The following RBM5 variants were observed in gnomAD, a reference collection of about 807,000 sequenced individuals.
The protein encoded by RBM5 is RNA-binding protein 5.
RBM5 carries 15 observed loss-of-function variants against 124.6 expected under a neutral mutation model. The ratio of observed to expected loss-of-function variants is 0.12; its 90% CI spans 0.08 to 0.19. The LOEUF (loss-of-function observed/expected upper bound fraction) is 0.19. Among genes scored for constraint, RBM5 ranks in the 10% least tolerant of loss-of-function variants. The pLI is 1.00. For missense variants in RBM5, 580 were observed against 1,026.5 expected, an observed-to-expected ratio of 0.57 and a Z score of 5.94; for synonymous variants, 337 against 361.2, an observed-to-expected ratio of 0.93 and a Z score of 0.76.
Position 50,093,848 on chromosome 3 carries a change from C to T in RBM5, c.312C>T (p.Gly104=). ...AGAGCAAGACCATCATGCTGCGCGGCCTTCCCATCACCATCACAGAGAGCG... is the reference window on the plus strand; with the variant it reads ...AGAGCAAGACCATCATGCTGCGCGGTCTTCCCATCACCATCACAGAGAGCG... ...ERESKTIMLR[G]LPITITESDI... The change falls in exon 4 of 25, where the codon GGC becomes GGT. Residue 104 remains glycine, a synonymous_variant. Transcript: ENST00000347869. 5 of 1,612,892 alleles carry T rather than the reference C, an allele frequency of 3.1e-6. No individual in the cohort carries two copies. The highest frequency in any genetic ancestry group is 4.2e-6 in the Non-Finnish European group (5 of 1,179,004).
At position 50,117,085 on chromosome 3, in the gene RBM5, A is replaced by G. The variant is rs757295979; in HGVS notation, c.2106A>G (p.Arg702=). 1 of 1,614,080 alleles carries G rather than the reference A, an allele frequency of 6.2e-7. No homozygotes were observed. Residue 702 remains arginine (R), a synonymous_variant, in exon 23 of 25, where the codon CGA becomes CGG. Coordinates refer to ENST00000347869, the MANE Select transcript of RBM5 (RefSeq NM_005778.4). This position sits in a 1 kb window ranked among gnomAD's most constrained non-coding sequence, Gnocchi z 4.2. ...TTTCTCCCATGTAGATGAAATACCGAGACCGAGCTGCAGAAAGACGGGAGA... is the reference window on the plus strand; with the variant it reads ...TTTCTCCCATGTAGATGAAATACCGGGACCGAGCTGCAGAAAGACGGGAGA... ...LELREREMKY[R]DRAAERREKY...
intron 4 of RBM5, among the ~76,000 whole-genome samples, chr3:50,095,796 CTG>C (rs1274012345): frequency 6.6e-6 from 1 of 152,032 alleles, no homozygotes; most frequent in African/African-American, 2.4e-5. Flanking sequence ...CTAGTCACCT[CTG>C]TGTCCCCAAC....
Position 50,113,541 on chromosome 3 carries a change from G to C in RBM5, c.1614G>C (p.Gln538His). 6.2e-7 allele frequency: 1 copy of C among 1,613,284 alleles called. No homozygotes were observed. The highest frequency in any genetic ancestry group is 8.5e-7 in the Non-Finnish European group (1 of 1,179,658). ...AGAAACCCAAGAGCAAAACAGCCCA[G>C]CAGGTTAGAACATGACCCATATTTC... Reference protein sequence around the residue: ...KKEKPKSKTAQQIAKDMERWA... With the variant: ...KKEKPKSKTAHQIAKDMERWA... Residue 538 changes from glutamine (Q) to histidine (H), a missense_variant, in exon 18 of 25, where the codon CAG (glutamine) becomes CAC (histidine). Transcript: ENST00000347869.
chr3:50,092,721 A>G (rs772229367), intron 3 of RBM5: 160 of 453,888 alleles, frequency 3.5e-4, no homozygotes, highest in Non-Finnish European at 1.2e-4. Context: ...GGTTATGATA[A>G]CATATTAGTT....
chr3:50,114,359 A>G, intron 20 of RBM5, 108 bp downstream of exon 20: 1 of 1,092,034 alleles, frequency 9.2e-7, no homozygotes, highest in Non-Finnish European at 1.3e-6. Context: ...ACTGAATGTG[A>G]TCACTGTTGA....
intron 11 of RBM5, 65 bp from the exon 12 acceptor site, chr3:50,107,417 G>A: frequency 8.7e-6 from 11 of 1,271,506 alleles, no homozygotes; most frequent in South Asian, 1.2e-5. Flanking sequence ...TCAGTTGGTG[G>A]TATAGGGGCA....
intron 3 of RBM5, 147 bp from the exon 4 acceptor site, chr3:50,093,573 C>CAAA: frequency 4.6e-5 from 31 of 679,616 alleles, no homozygotes; most frequent in Non-Finnish European, 5.7e-5. Flanking sequence ...ACCCCTGTCT[C>CAAA]AAAAAAAAAA....
At position 50,117,528 on chromosome 3, in the gene RBM5, C is replaced by CTG; in HGVS notation, c.2322+149_2322+150insTG. The CTG allele has an allele frequency of 2.6e-6, 3 of 1,153,870 alleles. No individual in the cohort carries two copies. The highest frequency in any genetic ancestry group is 1.5e-5 in the African/African-American group (1 of 64,722). 71.5% of individuals were successfully genotyped at this position (1,153,870 alleles called of 1,614,324 possible). Reference sequence around the variant, plus strand: ...ACAGGCATGAGCTCACACCTGTAATCCCAGCACTTTGGGAGGCCGAGGAGG... The same window carrying CTG: ...ACAGGCATGAGCTCACACCTGTAATCTGCCAGCACTTTGGGAGGCCGAGGAGG... On this transcript the variant is annotated intron_variant, in intron 24 of 24. Transcript: ENST00000347869. The surrounding 1 kb of genome is among the most constrained non-coding windows in gnomAD (Gnocchi z 4.2).
chr3:50,095,820 G>A (rs2090802208), intron 4 of RBM5, among the ~76,000 whole-genome samples: 1 of 152,044 alleles, frequency 6.6e-6, no homozygotes, highest in South Asian at 2.1e-4. Flanking sequence ...CTTGAACACA[G>A]TATGTTACTC....
rs764242527 is a variant in RBM5, at chr3:50,093,748, G to C, written c.212G>C (p.Arg71Pro). Residue 71 changes from arginine to proline, a missense_variant, in exon 4 of 25, where the codon CGA becomes CCA. Coordinates refer to ENST00000347869, the MANE Select transcript of RBM5 (RefSeq NM_005778.4). ...GAGCGTGAAAGAAGGAACAGTGACC[G>C]ATCCGAAGATGGCTACCATTCAGAT... ...ERERERRNSD[R>P]SEDGYHSDGD... 1.9e-6 allele frequency: 3 copies of C among 1,613,710 alleles called. No individual in the cohort carries two copies. Among genetic ancestry groups the C allele is most frequent in the Non-Finnish European group, 2.5e-6 (3 of 1,179,698 alleles).
chr3:50,090,065 G>A (rs954101409), intron 1 of RBM5: 1 of 208,334 alleles, frequency 4.8e-6, no homozygotes, highest in African/African-American at 2.3e-5. Context: ...GCTGATTGTA[G>A]CTCTGCCCTT....
chr3:50,108,420 GGGGCATGGCC>G, intron 14 of RBM5, 116 bp downstream of exon 14: 1 of 1,091,134 alleles, frequency 9.2e-7, no homozygotes, highest in Non-Finnish European at 1.4e-6. Context: ...AAGATTGTAG[GGGGCATGGCC>G]GGGCACGGTG....
At chr3:50,113,840 T>G in intron 18 of RBM5, 110 bp from the exon 19 acceptor site, 2 of 1,255,426 alleles carry the variant, frequency 1.6e-6, no homozygotes, top group Non-Finnish European at 2.2e-6. Flanking sequence ...GAAGTAAGAG[T>G]AAAAGGGGTT....
chr3:50,109,456 C>T, intron 14 of RBM5, 147 bp from the exon 15 acceptor site: 2 of 657,172 alleles, frequency 3.0e-6, no homozygotes, highest in South Asian at 3.8e-5. Context: ...GAAAATGTCA[C>T]AGATTCCAGG....
Position 50,100,655 on chromosome 3 carries a change from T to C in RBM5, c.483+50T>C, listed in dbSNP as rs1225898624. 1 of 1,473,020 alleles carries C rather than the reference T, an allele frequency of 6.8e-7. No individual in the cohort carries two copies. Among genetic ancestry groups the C allele is most frequent in the Non-Finnish European group, 9.4e-7 (1 of 1,058,992 alleles). 91.2% of individuals were successfully genotyped at this position (1,473,020 alleles called of 1,614,324 possible). ...TATTCATGAAAATGGAACAAGTCTGTACAATTTTAAAAAAAGGTTGAAGGA... is the reference window on the plus strand; with the variant it reads ...TATTCATGAAAATGGAACAAGTCTGCACAATTTTAAAAAAAGGTTGAAGGA... On this transcript the variant is annotated intron_variant, in intron 6 of 24. Coordinates refer to ENST00000347869, the MANE Select transcript of RBM5 (RefSeq NM_005778.4). The surrounding 1 kb of genome is among the most constrained non-coding windows in gnomAD (Gnocchi z 5.1).
Position 50,110,388 on chromosome 3 carries a change from G to A in RBM5, c.1288G>A (p.Ala430Thr). The A allele has an allele frequency of 6.2e-7, 1 of 1,614,100 alleles. No individual in the cohort carries two copies. The highest frequency in any genetic ancestry group is 8.5e-7 in the Non-Finnish European group (1 of 1,179,968). The change falls in exon 16 of 25, where the codon GCA (alanine) becomes ACA (threonine). Residue 430 changes from alanine (A) to threonine (T), a missense_variant. Physicochemically the swap from Ala to Thr is moderately conservative, Grantham distance 58. This residue lies in a region of RBM5 where 104 missense variants were observed against 128.7 expected (regional missense o/e 0.81). Transcript: ENST00000347869. ...SNPPGSPTEE[A>T]QPSTSTSTQA... ...CTGCTGTTCTTTCCAGACTGAGGAA[G>A]CACAGCCTAGCACTAGCACAAGTAC...
At chr3:50,110,653 C>T in intron 16 of RBM5, 26 bp from the exon 17 acceptor site, 2 of 1,582,458 alleles carry the variant, frequency 1.3e-6, no homozygotes, top group Non-Finnish European at 1.7e-6. Flanking sequence ...CCTGGAATGA[C>T]TGTATGCTGG....
chr3:50,098,369 A>G (rs2090866413), intron 4 of RBM5, among the ~76,000 whole-genome samples: 1 of 151,938 alleles, frequency 6.6e-6, no homozygotes, highest in African/African-American at 2.4e-5. Context: ...CTGGGCTTAA[A>G]CAGTCCTCCC....
rs144164147 is a variant in RBM5, at chr3:50,093,791, C to T, written c.255C>T (p.His85=). The T allele has an allele frequency of 1.9e-6, 3 of 1,613,816 alleles. No individual in the cohort carries two copies. The highest frequency in any genetic ancestry group is 2.5e-6 in the Non-Finnish European group (3 of 1,179,906). The change falls in exon 4 of 25, where the codon CAC becomes CAT. Residue 85 remains histidine (H), a synonymous_variant. Coordinates refer to ENST00000347869, the MANE Select transcript of RBM5 (RefSeq NM_005778.4). ...ATTCAGATGGTGACTATGGTGAGCA[C>T]GACTATAGGCATGACATCAGTGACG... is the stretch of plus-strand genomic sequence containing the variant. ...GYHSDGDYGE[H]DYRHDISDER...
Sources: gnomAD v4.1 joint callset for allele counts (sites outside exome capture counted in the v4.1 genomes callset) on GRCh38, gnomAD v4.1.1 for gene constraint, gnomAD v4.1.1 regional missense constraint, Gnocchi (gnomAD v3.1) non-coding constraint, MANE v1.5 for transcripts, NCBI Gene and HGNC (gene_info 2026-07-23, HGNC 2026-07-21) for gene names.